The following ILRUN variants were observed in gnomAD, a reference collection of about 807,000 sequenced individuals.
The protein encoded by ILRUN is protein ILRUN.
Under a neutral mutation model 33.8 loss-of-function variants are expected in ILRUN, and 3 were observed. The observed-to-expected ratio is 0.09, with a 90% confidence interval of 0.04 to 0.23. ILRUN has a LOEUF of 0.23. ILRUN is among the 10% of genes least tolerant of loss of function. The pLI, the probability that ILRUN is intolerant of heterozygous loss-of-function variation, is 1.00. For synonymous variants in ILRUN, 124 were observed against 138.9 expected (o/e 0.89, Z 0.75); for missense variants, 210 against 375.1 (o/e 0.56, Z 3.64).
intron 1 of ILRUN, among the ~76,000 whole-genome samples, chr6:34,675,040 G>A (rs1245352710): frequency 6.6e-6 from 1 of 152,146 alleles, no homozygotes; most frequent in East Asian, 1.9e-4. Context: ...CAGCACTTTC[G>A]GAGGCCCAGG....
intron 3 of ILRUN, among the ~76,000 whole-genome samples, chr6:34,635,045 AT>A (rs1366652615): frequency 7.3e-6 from 1 of 136,242 alleles, no homozygotes; most frequent in African/African-American, 3.2e-5. Flanking sequence ...ATTATTAAAT[AT>A]TTTTTAAAGT....
Position 34,646,507 on chromosome 6 carries a change from T to C in ILRUN, c.511+94A>G. On this transcript the variant is annotated intron_variant, in intron 3 of 4. Coordinates refer to ENST00000374023, the MANE Select transcript of ILRUN (RefSeq NM_024294.4). The surrounding 1 kb of genome is among the most constrained non-coding windows in gnomAD (Gnocchi z 4.9). ...ACTGTTAAAAAGAGGCCATGCCCTG[T>C]TATGCAATTTGACAGGCTCTGTGAG... 1 of 1,216,378 alleles carries C rather than the reference T, an allele frequency of 8.2e-7. No homozygotes were observed. Among genetic ancestry groups the C allele is most frequent in the Non-Finnish European group, 1.2e-6 (1 of 854,426 alleles). The allele number at this position is 1,216,378 out of a possible 1,614,324, so 75.3% of individuals were successfully genotyped here.
At chr6:34,674,415 A>G (rs1763185346) in intron 1 of ILRUN, among the ~76,000 whole-genome samples, 1 of 152,238 alleles carries the variant, frequency 6.6e-6, no homozygotes, top group Admixed American at 6.5e-5. Context: ...GCACAGAGAC[A>G]GTAACTTGCC....
intron 1 of ILRUN, among the ~76,000 whole-genome samples, chr6:34,655,892 T>C (rs1049312385): frequency 6.6e-6 from 1 of 152,114 alleles, no homozygotes; most frequent in Admixed American, 6.5e-5. Flanking sequence ...AAAAAAAATA[T>C]ATCTCAGTGA....
intron 1 of ILRUN, among the ~76,000 whole-genome samples, chr6:34,676,997 T>TCA (rs1562029400): frequency 6.6e-4 from 65 of 97,998 alleles, no homozygotes; most frequent in Admixed American, 1.2e-3. Context: ...TATGTCACAA[T>TCA]TAAAAAAAAA....
chr6:34,672,359 G>A (rs1370788031), intron 1 of ILRUN, among the ~76,000 whole-genome samples: 1 of 152,056 alleles, frequency 6.6e-6, no homozygotes, highest in Non-Finnish European at 1.5e-5. Flanking sequence ...AAAGTGCTGA[G>A]ATTACAGGTG....
rs548991641 is a variant in ILRUN at position 34,646,190 on chromosome 6, G to A, written c.511+411C>T. On this transcript the variant is annotated intron_variant, in intron 3 of 4. Coordinates refer to ENST00000374023, the MANE Select transcript of ILRUN (RefSeq NM_024294.4). This position sits in a 1 kb window ranked among gnomAD's most constrained non-coding sequence, Gnocchi z 4.9. ...AAAACGTTTGGCAATAAAGAGAAGG[G>A]AGTGAGATATGTTAGCAGTTTGACA... 3.3e-5 allele frequency among the ~76,000 whole-genome samples: 5 copies of A among 152,274 alleles called. No individual in the cohort carries two copies. In the South Asian group the frequency reaches 1.0e-3, roughly 32 times the overall value.
intron 3 of ILRUN, among the ~76,000 whole-genome samples, chr6:34,639,301 T>A (rs1198986063): frequency 6.6e-6 from 1 of 152,160 alleles, no homozygotes; most frequent in Non-Finnish European, 1.5e-5. Context: ...AAGAACTACT[T>A]CAAGTAGTGG....
At chr6:34,614,457 A>ATATATAT (rs1309059164) in intron 3 of ILRUN, among the ~76,000 whole-genome samples, 2,898 of 133,726 alleles carry the variant, frequency 0.022, 59 homozygotes, top group Non-Finnish European at 0.029. Flanking sequence ...TATATATATA[A>ATATATAT]AATGTATATT....
chr6:34,603,954 T>C (rs1307882695), intron 4 of ILRUN, among the ~76,000 whole-genome samples: 4 of 152,186 alleles, frequency 2.6e-5, no homozygotes, highest in Non-Finnish European at 5.9e-5. Flanking sequence ...TAGCCAGAAA[T>C]GCCTTCAGGG....
intron 1 of ILRUN, among the ~76,000 whole-genome samples, chr6:34,655,817 A>G (rs1762760040): frequency 6.6e-6 from 1 of 152,094 alleles, no homozygotes; most frequent in Non-Finnish European, 1.5e-5. Context: ...GAGTACGCCT[A>G]TTTTCCCCAC....
chr6:34,593,404 T>C (rs183240102), intron 4 of ILRUN, among the ~76,000 whole-genome samples: 64 of 152,346 alleles, frequency 4.2e-4, no homozygotes, highest in Non-Finnish European at 7.8e-4. Context: ...AGGAAGTTTA[T>C]GACTTTGTCA....
At chr6:34,651,248 C>A (rs187049341) in intron 2 of ILRUN, among the ~76,000 whole-genome samples, 18 of 152,244 alleles carry the variant, frequency 1.2e-4, no homozygotes, top group African/African-American at 3.4e-4. Context: ...AAATCTCTAG[C>A]AACTGCTACC....
chr6:34,596,603 C>A (rs1009666461), intron 4 of ILRUN, among the ~76,000 whole-genome samples: 2 of 152,086 alleles, frequency 1.3e-5, no homozygotes, highest in Admixed American at 1.3e-4. Flanking sequence ...TGTGAGCCAC[C>A]GCACTTGGCC....
Position 34,646,263 on chromosome 6 carries a change from T to C in ILRUN, c.511+338A>G, listed in dbSNP as rs1369029176. 1.3e-5 allele frequency among the ~76,000 whole-genome samples: 2 copies of C among 152,246 alleles called. No homozygotes were observed. The highest frequency in any genetic ancestry group is 2.4e-5 in the African/African-American group (1 of 41,466). On this transcript the variant is annotated intron_variant, in intron 3 of 4. Coordinates refer to ENST00000374023, the MANE Select transcript of ILRUN (RefSeq NM_024294.4). The surrounding 1 kb of genome is among the most constrained non-coding windows in gnomAD (Gnocchi z 4.9). Reference sequence around the variant, plus strand: ...CATTTTGTGCATTATCTGTTTTATATGACTTGTGTCTAGAGACTTTGAGAA... The same window carrying C: ...CATTTTGTGCATTATCTGTTTTATACGACTTGTGTCTAGAGACTTTGAGAA...
At chr6:34,635,167 G>T (rs538719181) in intron 3 of ILRUN, among the ~76,000 whole-genome samples, 4 of 152,132 alleles carry the variant, frequency 2.6e-5, no homozygotes, top group African/African-American at 9.6e-5. Context: ...AATCTACTGA[G>T]CCAAAACCAA....
At chr6:34,639,275 A>T (rs1411229372) in intron 3 of ILRUN, among the ~76,000 whole-genome samples, 1 of 152,222 alleles carries the variant, frequency 6.6e-6, no homozygotes, top group Non-Finnish European at 1.5e-5. Flanking sequence ...CTAGGGACCC[A>T]TATGAGGTAT....
rs1238628692 is a variant in ILRUN, at chr6:34,683,497, TAC to T, written c.158+12947_158+12948del. Among the ~76,000 whole-genome samples the T allele has an allele frequency of 7.4e-3, 747 of 101,208 alleles. 19 individuals are homozygous for T. Among genetic ancestry groups the T allele is most frequent in the African/African-American group, 0.028 (563 of 20,122 alleles). The allele number at this position is 101,208 out of a possible 152,430, so 66.4% of individuals were successfully genotyped here. The stretch of plus-strand genomic sequence containing the variant: ...ACACATATATATATACATATATATA[TAC>T]ATATATATATATATACATATATATA... On this transcript the variant is annotated intron_variant, in intron 1 of 4. Transcript: ENST00000374023.
At position 34,592,198 on chromosome 6, in the gene ILRUN, C is replaced by A. The variant is rs923477092; in HGVS notation, c.862-1598G>T. 3.3e-5 allele frequency among the ~76,000 whole-genome samples: 5 copies of A among 152,218 alleles called. No homozygotes were observed. The highest frequency in any genetic ancestry group is 1.2e-4 in the African/African-American group (5 of 41,446). The stretch of plus-strand genomic sequence containing the variant: ...GGAGATGATTTGGGGAATGGACAGG[C>A]CAATACCAATGGGGCATCCACTACG... On this transcript the variant is annotated intron_variant, in intron 4 of 4. Coordinates refer to ENST00000374023, the MANE Select transcript of ILRUN (RefSeq NM_024294.4). This position sits in a 1 kb window ranked among gnomAD's most constrained non-coding sequence, Gnocchi z 4.0.
Sources: gnomAD v4.1 joint callset for allele counts (sites outside exome capture counted in the v4.1 genomes callset) on GRCh38, gnomAD v4.1.1 for gene constraint, Gnocchi (gnomAD v3.1) non-coding constraint, MANE v1.5 for transcripts, NCBI Gene and HGNC (gene_info 2026-07-23, HGNC 2026-07-21) for gene names.